GLG1: variants seen among roughly 807,000 people sequenced by gnomAD.
GLG1 encodes golgi glycoprotein 1.
GLG1 carries 38 observed loss-of-function variants against 160.5 expected under a neutral mutation model. That is an observed-to-expected ratio of 0.24 (90% CI 0.18 to 0.31). GLG1 has a LOEUF of 0.31. Ranked by LOEUF, GLG1 falls within the 10% of genes least tolerant of loss-of-function variation. The probability of loss-of-function intolerance (pLI) is 1.00; values close to 1 mark genes in which losing one functional copy is unlikely to be tolerated. For synonymous variants in GLG1, 644 were observed against 543.4 expected (o/e 1.19, Z -2.57); for missense variants, 1,373 against 1,505.2 (o/e 0.91, Z 1.45).
At chr16:74,471,617 T>C (rs971495208) in intron 14 of GLG1, among the ~76,000 whole-genome samples, 4 of 152,168 alleles carry the variant, frequency 2.6e-5, no homozygotes, top group African/African-American at 9.7e-5. Flanking sequence ...TCCCACAATT[T>C]AAATAGTTCA....
At chr16:74,536,576 G>C (rs2017693301) in intron 1 of GLG1, among the ~76,000 whole-genome samples, 1 of 152,226 alleles carries the variant, frequency 6.6e-6, no homozygotes, top group African/African-American at 2.4e-5. Context: ...TAAAGAATTA[G>C]AAGAGTGATC....
At chr16:74,599,878 A>C (rs1462654584) in intron 1 of GLG1, among the ~76,000 whole-genome samples, 1 of 145,802 alleles carries the variant, frequency 6.9e-6, no homozygotes, top group Admixed American at 6.8e-5. Flanking sequence ...AAAAAACAAA[A>C]AAAAAATTAG....
At chr16:74,554,426 C>T (rs1343350336) in intron 1 of GLG1, among the ~76,000 whole-genome samples, 16 of 152,152 alleles carry the variant, frequency 1.1e-4, no homozygotes, top group African/African-American at 3.6e-4. Context: ...CCCAGGTACT[C>T]GGGAGGCTGA....
At chr16:74,501,175 G>C (rs2016391076) in intron 4 of GLG1, among the ~76,000 whole-genome samples, 1 of 152,198 alleles carries the variant, frequency 6.6e-6, no homozygotes, top group Non-Finnish European at 1.5e-5. Flanking sequence ...ACGGGTTTTA[G>C]AAAAAGGCAG....
rs1227224782 is a variant in GLG1, at chr16:74,451,892, A to C, written c.*1275T>G. ...AAGGTTGATGAATCGCCAAAATACA[A>C]CATTTAGCCAATGCCTACTAGAGTG... On this transcript the variant is annotated 3_prime_UTR_variant, in exon 26 of 26. Transcript: ENST00000422840. 1.7e-6 allele frequency: 1 copy of C among 603,242 alleles called. No homozygotes were observed. The highest frequency in any genetic ancestry group is 3.0e-6 in the Non-Finnish European group (1 of 333,880). 37.4% of individuals were successfully genotyped at this position (603,242 alleles called of 1,614,324 possible).
intron 1 of GLG1, among the ~76,000 whole-genome samples, chr16:74,543,253 G>GC (rs1567514480): frequency 6.6e-6 from 1 of 152,208 alleles, no homozygotes. Context: ...TGAAAGATGC[G>GC]TAGCTCAAAG....
chr16:74,547,019 G>A (rs143864381), intron 1 of GLG1, among the ~76,000 whole-genome samples: 1 of 152,140 alleles, frequency 6.6e-6, no homozygotes, highest in East Asian at 1.9e-4. Flanking sequence ...TGCTAGAACT[G>A]TCCCCGCTTC....
intron 9 of GLG1, among the ~76,000 whole-genome samples, chr16:74,485,469 C>T (rs2015756124): frequency 6.6e-6 from 1 of 152,046 alleles, no homozygotes; most frequent in South Asian, 2.1e-4. Context: ...AAGTATGTAC[C>T]ACCTATCCTG....
intron 1 of GLG1, among the ~76,000 whole-genome samples, chr16:74,585,312 G>A (rs932318177): frequency 3.3e-5 from 5 of 152,160 alleles, no homozygotes; most frequent in African/African-American, 1.2e-4. Context: ...GGGAGACTGA[G>A]GCACGAGAAT....
At chr16:74,502,553 G>GT (rs879922463) in intron 4 of GLG1, among the ~76,000 whole-genome samples, 115 of 146,892 alleles carry the variant, frequency 7.8e-4, no homozygotes, top group African/African-American at 2.4e-3. Context: ...TTTTTTTTTT[G>GT]TTTTTTTTGA....
At chr16:74,574,178 G>GA (rs1567532872) in intron 1 of GLG1, among the ~76,000 whole-genome samples, 1 of 152,240 alleles carries the variant, frequency 6.6e-6, no homozygotes, top group Non-Finnish European at 1.5e-5. Flanking sequence ...AGATGAAGTG[G>GA]AAAAAACAAT....
At chr16:74,551,772 G>C (rs1364698751) in intron 1 of GLG1, among the ~76,000 whole-genome samples, 1 of 151,960 alleles carries the variant, frequency 6.6e-6, no homozygotes, top group Non-Finnish European at 1.5e-5. Context: ...AAATGTACAA[G>C]GAGAATTACT....
At chr16:74,587,848 C>G (rs1958088083) in intron 1 of GLG1, among the ~76,000 whole-genome samples, 1 of 151,964 alleles carries the variant, frequency 6.6e-6, no homozygotes, top group East Asian at 1.9e-4. Flanking sequence ...CAGTGAGACT[C>G]CGCTTCAAAA....
chr16:74,494,938 T>C (rs2016132520), intron 5 of GLG1, 107 bp from the exon 6 acceptor site: 2 of 589,504 alleles, frequency 3.4e-6, no homozygotes, highest in Non-Finnish European at 6.2e-6. Flanking sequence ...TAATCGTACA[T>C]ACCTTTGGAC....
At chr16:74,537,843 G>A (rs2017728796) in intron 1 of GLG1, among the ~76,000 whole-genome samples, 1 of 150,438 alleles carries the variant, frequency 6.6e-6, no homozygotes, top group Non-Finnish European at 1.5e-5. Context: ...ATAAACTACT[G>A]AAAAGCTTGA....
At chr16:74,507,246 G>A (rs2016645245) in intron 3 of GLG1, among the ~76,000 whole-genome samples, 1 of 152,142 alleles carries the variant, frequency 6.6e-6, no homozygotes, top group Non-Finnish European at 1.5e-5. Context: ...AAAGGTCACA[G>A]AGGACCATCG....
intron 17 of GLG1, 129 bp downstream of exon 17, chr16:74,468,817 T>C (rs1271614238): frequency 1.6e-5 from 11 of 670,722 alleles, no homozygotes; most frequent in African/African-American, 9.0e-5. Flanking sequence ...GTTAAAACTT[T>C]TGCACAGGAC....
Position 74,508,933 on chromosome 16 carries a change from G to C in GLG1, c.472-8C>G, listed in dbSNP as rs768655604. 8.6e-7 allele frequency: 1 copy of C among 1,168,422 alleles called. No homozygotes were observed. The highest frequency in any genetic ancestry group is 1.3e-6 in the Non-Finnish European group (1 of 789,676). The allele number at this position is 1,168,422 out of a possible 1,614,324, so 72.4% of individuals were successfully genotyped here. On this transcript the variant is annotated splice_region_variant and splice_polypyrimidine_tract_variant and intron_variant, in intron 2 of 25. Coordinates refer to ENST00000422840, the MANE Select transcript of GLG1 (RefSeq NM_001145667.2). Reference sequence around the variant, plus strand: ...CTTATAATTCCACAACAACTAGATAGGAGAGGAAAAAAAAAAACAAAGAAA... The same window carrying C: ...CTTATAATTCCACAACAACTAGATACGAGAGGAAAAAAAAAAACAAAGAAA...
intron 2 of GLG1, among the ~76,000 whole-genome samples, chr16:74,521,856 G>A (rs572271146): frequency 1.4e-3 from 207 of 152,312 alleles, no homozygotes; most frequent in Admixed American, 2.6e-3. Context: ...CAGGGGCATG[G>A]AAAGGAGGTG....
Sources: allele counts gnomAD v4.1 joint callset (sites outside exome capture counted in the v4.1 genomes callset), GRCh38; gene constraint gnomAD v4.1.1; transcripts MANE v1.5; gene names NCBI Gene and HGNC (gene_info 2026-07-23, HGNC 2026-07-21).